Variants in SNTG2 observed in about 807,000 individuals in gnomAD.
SNTG2 encodes the protein gamma-2-syntrophin.
Under a neutral mutation model 70.9 loss-of-function variants are expected in SNTG2, and 74 were observed. The observed-to-expected ratio is 1.04, with a 90% confidence interval of 0.86 to 1.27. The LOEUF is 1.27. Ranked by LOEUF, SNTG2 falls within the 50% of genes most tolerant of loss-of-function variation. SNTG2 has a pLI of 0.00. For missense variants in SNTG2, 717 were observed against 690.7 expected, an observed-to-expected ratio of 1.04 and a Z score of -0.43; for synonymous variants, 278 against 273.8, an observed-to-expected ratio of 1.02 and a Z score of -0.15.
At position 1,317,811 on chromosome 2, in the gene SNTG2, TTTTTG is replaced by T. The variant is rs1439449680; in HGVS notation, c.1488+1437_1488+1441del. Among the ~76,000 whole-genome samples, 7 of 37,998 alleles carry T rather than the reference TTTTTG, an allele frequency of 1.8e-4. 3 individuals are homozygous for T. In the East Asian group the frequency reaches 2.9e-3, roughly 16 times the overall value. 24.9% of individuals were successfully genotyped at this position (37,998 alleles called of 152,430 possible). A position where few individuals can be genotyped will look rare whatever the true frequency, so the allele number is the denominator to read the frequency against. On this transcript the variant is annotated intron_variant, in intron 16 of 16. Transcript: ENST00000308624. Reference sequence around the variant, plus strand: ...GAGCATTTCAGGGTTTGGATTTTCATTTTTGGGATGCTCAATCTGTATAGGATGTT... The same window carrying T: ...GAGCATTTCAGGGTTTGGATTTTCATGGATGCTCAATCTGTATAGGATGTT...
intron 1 of SNTG2, among the ~76,000 whole-genome samples, chr2:978,908 T>C (rs1661001177): frequency 6.6e-6 from 1 of 152,236 alleles, no homozygotes; most frequent in African/African-American, 2.4e-5. Flanking sequence ...ATGAACCTGT[T>C]GATAATTTTA....
chr2:1,144,259 A>G (rs1251518917), intron 6 of SNTG2, among the ~76,000 whole-genome samples: 1 of 152,178 alleles, frequency 6.6e-6, no homozygotes, highest in Non-Finnish European at 1.5e-5. Flanking sequence ...GACAACGGAC[A>G]ACCCACCAGC....
intron 8 of SNTG2, among the ~76,000 whole-genome samples, chr2:1,208,442 T>C (rs182170450): frequency 6.6e-6 from 1 of 152,156 alleles, no homozygotes; most frequent in East Asian, 1.9e-4. Flanking sequence ...GGCTCCTCTT[T>C]GAGAACGTGG....
chr2:974,278 G>T (rs1420763698), intron 1 of SNTG2, among the ~76,000 whole-genome samples: 1 of 152,152 alleles, frequency 6.6e-6, no homozygotes, highest in Non-Finnish European at 1.5e-5. Flanking sequence ...GCGCTGGAGA[G>T]CTTTGCCCCA....
intron 8 of SNTG2, among the ~76,000 whole-genome samples, chr2:1,178,675 C>G (rs1168272731): frequency 6.6e-6 from 1 of 151,946 alleles, no homozygotes; most frequent in Non-Finnish European, 1.5e-5. Flanking sequence ...GGTGGATAAG[C>G]TTTTTGATGT....
At chr2:1,196,032 A>G (rs1447104200) in intron 8 of SNTG2, among the ~76,000 whole-genome samples, 1 of 152,204 alleles carries the variant, frequency 6.6e-6, no homozygotes, top group South Asian at 2.1e-4. Flanking sequence ...TGTGTCATGC[A>G]TAACTCAAAC....
chr2:1,083,443 G>T, intron 1 of SNTG2, 75 bp from the exon 2 acceptor site: 1 of 1,515,910 alleles, frequency 6.6e-7, no homozygotes. Context: ...TTGAGCAGGA[G>T]GCGTGCGTCA....
rs372776530 is a variant in SNTG2 at position 1,357,990 on chromosome 2, A to T, written c.1489-9353A>T. Among the ~76,000 whole-genome samples the T allele has an allele frequency of 3.9e-5, 6 of 152,228 alleles. No homozygotes were observed. The South Asian group carries it at 1.2e-3, about 32-fold the overall frequency. On this transcript the variant is annotated intron_variant, in intron 16 of 16. Coordinates refer to ENST00000308624, the MANE Select transcript of SNTG2 (RefSeq NM_018968.4). Reference sequence around the variant, plus strand: ...ATTTCTTATACTTTTGGACTCTGTGAAATCAAAGATCAAGGTGCTGGTAGA... The same window carrying T: ...ATTTCTTATACTTTTGGACTCTGTGTAATCAAAGATCAAGGTGCTGGTAGA...
chr2:1,176,001 A>T (rs1173530860), intron 8 of SNTG2, among the ~76,000 whole-genome samples: 1 of 152,166 alleles, frequency 6.6e-6, no homozygotes, highest in East Asian at 1.9e-4. Flanking sequence ...GGTGGATGTG[A>T]TCCTCATGTC....
chr2:1,158,246 TTACTC>T (rs1236135803), intron 6 of SNTG2: 2 of 152,242 alleles, frequency 1.3e-5, no homozygotes, highest in Non-Finnish European at 1.5e-5. Context: ...AACCTTCCCT[TTACTC>T]ACTCAAGTTC....
chr2:1,312,970 C>T (rs1240343782), intron 15 of SNTG2, among the ~76,000 whole-genome samples: 4 of 152,238 alleles, frequency 2.6e-5, no homozygotes, highest in East Asian at 1.9e-4. Context: ...CATCAAGAAA[C>T]GAATTAGGTT....
At chr2:1,002,101 C>T (rs537810236) in intron 1 of SNTG2, among the ~76,000 whole-genome samples, 6 of 152,102 alleles carry the variant, frequency 3.9e-5, no homozygotes, top group Admixed American at 6.5e-5. Flanking sequence ...TCACCATATA[C>T]GAAAGTTAAC....
chr2:1,132,924 A>C (rs1461337395), intron 4 of SNTG2, among the ~76,000 whole-genome samples: 1 of 152,212 alleles, frequency 6.6e-6, no homozygotes. Flanking sequence ...ATGTGTCCCC[A>C]AACAACACAT....
At chr2:1,031,528 A>ATT (rs745388505) in intron 1 of SNTG2, among the ~76,000 whole-genome samples, 12 of 59,118 alleles carry the variant, frequency 2.0e-4, no homozygotes, top group African/African-American at 9.1e-4. Flanking sequence ...ATATATATAT[A>ATT]TTTTTTTTTT....
chr2:1,291,770 G>A (rs148995800), intron 14 of SNTG2, among the ~76,000 whole-genome samples: 233 of 152,246 alleles, frequency 1.5e-3, no homozygotes, highest in African/African-American at 5.2e-3. Context: ...TTTGAAATCA[G>A]GGATTGTGAA....
chr2:1,360,522 T>C (rs553811435), intron 16 of SNTG2, among the ~76,000 whole-genome samples: 6 of 152,330 alleles, frequency 3.9e-5, no homozygotes, highest in African/African-American at 1.4e-4. Flanking sequence ...TATTGGACTC[T>C]TTGTGCACTG....
rs558675194 is a variant in SNTG2 at position 1,014,504 on chromosome 2, G to C, written c.72+63436G>C. On this transcript the variant is annotated intron_variant, in intron 1 of 16. Coordinates refer to ENST00000308624, the MANE Select transcript of SNTG2 (RefSeq NM_018968.4). ...CAGAGAGAAGGGTGGTCTGGAGAGG[G>C]ATTTATATGGGCAGAAAGAAGGGTG... 4.4e-3 allele frequency among the ~76,000 whole-genome samples: 356 copies of C among 81,140 alleles called. 53 individuals are homozygous for C. Among genetic ancestry groups the C allele is most frequent in the Admixed American group, 6.9e-3 (55 of 7,938 alleles). 53.2% of individuals were successfully genotyped at this position (81,140 alleles called of 152,430 possible).
intron 16 of SNTG2, among the ~76,000 whole-genome samples, chr2:1,329,759 G>C (rs920509882): frequency 1.3e-5 from 2 of 152,162 alleles, no homozygotes; most frequent in African/African-American, 2.4e-5. Flanking sequence ...CGCATCGTGT[G>C]GGGGAGGCCT....
chr2:1,178,669 G>C (rs1433914263), intron 8 of SNTG2, among the ~76,000 whole-genome samples: 3 of 152,118 alleles, frequency 2.0e-5, no homozygotes, highest in African/African-American at 7.2e-5. Flanking sequence ...GATCATGGTG[G>C]ATAAGCTTTT....
Sources: allele counts gnomAD v4.1 joint callset (sites outside exome capture counted in the v4.1 genomes callset), GRCh38; gene constraint gnomAD v4.1.1; transcripts MANE v1.5; gene names NCBI Gene and HGNC (gene_info 2026-07-23, HGNC 2026-07-21).